Variants in SFXN5 observed in about 807,000 individuals in gnomAD.
SFXN5 encodes the protein sideroflexin 5.
In SFXN5, 43 loss-of-function variants were observed where a neutral mutation model predicts 50.2. That is an observed-to-expected ratio of 0.86 (90% CI 0.67 to 1.11). SFXN5 has a LOEUF of 1.11. Ranked by LOEUF, SFXN5 falls within the 50% of genes least tolerant of loss-of-function variation. The probability of loss-of-function intolerance (pLI) is 0.00; values close to 1 mark genes in which losing one functional copy is unlikely to be tolerated. For synonymous variants in SFXN5, 203 were observed against 185.8 expected, an observed-to-expected ratio of 1.09 and a Z score of -0.75; for missense variants, 463 against 454.1, an observed-to-expected ratio of 1.02 and a Z score of -0.18.
chr2:73,060,193 G>C (rs1229773870), intron 1 of SFXN5, among the ~76,000 whole-genome samples: 1 of 152,060 alleles, frequency 6.6e-6, no homozygotes, highest in African/African-American at 2.4e-5. Flanking sequence ...GGGGTAGGGA[G>C]GGTACAAGAT....
In SFXN5 at chr2:72,973,021, T is replaced by C. The variant is rs1670212205; in HGVS notation, c.626-1336A>G. 6.6e-6 allele frequency among the ~76,000 whole-genome samples: 1 copy of C among 151,976 alleles called. No individual in the cohort carries two copies. The highest frequency in any genetic ancestry group is 2.1e-4 in the South Asian group (1 of 4,812). On this transcript the variant is annotated intron_variant, in intron 10 of 13. Transcript: ENST00000272433. The surrounding 1 kb of genome is among the most constrained non-coding windows in gnomAD (Gnocchi z 5.5). ...TCCTGGGGCCTGAGCCAACGAGTGGTCCAGGGTGCTCACAGCTGGGGCACA... is the reference window on the plus strand; with the variant it reads ...TCCTGGGGCCTGAGCCAACGAGTGGCCCAGGGTGCTCACAGCTGGGGCACA...
rs1682244677 is a variant in SFXN5 at position 73,057,121 on chromosome 2, T to C, written c.171+1407A>G. ...AGGGATTAACTACTAATACATGCAA[T>C]GACACAAATGAATCCCAAAAGCATT... On this transcript the variant is annotated intron_variant, in intron 2 of 13. Transcript: ENST00000272433. Among the ~76,000 whole-genome samples, 2 of 152,150 alleles carry C rather than the reference T, an allele frequency of 1.3e-5. 1 individual carries two copies. The highest frequency in any genetic ancestry group is 2.9e-5 in the Non-Finnish European group (2 of 68,016).
rs578106348 is a variant in SFXN5 at position 72,944,697 on chromosome 2, T to C, written c.*325A>G. 8.7e-5 allele frequency: 23 copies of C among 265,150 alleles called. No homozygotes were observed. In the South Asian group the frequency reaches 2.5e-3, roughly 28 times the overall value. 16.4% of individuals were successfully genotyped at this position (265,150 alleles called of 1,614,324 possible). ...TAAAAATAAAAAAGGAACCAAAGTA[T>C]AAAAGGATTCTACTTCTACCCCATG... On this transcript the variant is annotated 3_prime_UTR_variant, in exon 14 of 14. Coordinates refer to ENST00000272433, the MANE Select transcript of SFXN5 (RefSeq NM_144579.3).
intron 2 of SFXN5, among the ~76,000 whole-genome samples, chr2:73,046,792 A>G (rs1680395544): frequency 6.6e-6 from 1 of 152,210 alleles, no homozygotes; most frequent in Non-Finnish European, 1.5e-5. Flanking sequence ...TTTTAAATTT[A>G]AAAATTCCAT....
At chr2:72,968,885 C>A in intron 11 of SFXN5, among the ~76,000 whole-genome samples, 1 of 151,940 alleles carries the variant, frequency 6.6e-6, no homozygotes, top group East Asian at 1.9e-4. Context: ...TCACTTCAAC[C>A]TCTGCCTCCC....
intron 2 of SFXN5, 138 bp from the exon 3 acceptor site, chr2:73,041,069 A>G (rs1447891573): frequency 1.7e-6 from 1 of 573,548 alleles, no homozygotes; most frequent in Non-Finnish European, 3.0e-6. Context: ...GACACACACA[A>G]AATCATATAG....
At chr2:72,948,510 A>C (rs1331313312) in intron 13 of SFXN5, among the ~76,000 whole-genome samples, 1 of 152,250 alleles carries the variant, frequency 6.6e-6, no homozygotes, top group African/African-American at 2.4e-5. Flanking sequence ...TGCCATTATT[A>C]GCAACTTCCC....
At chr2:73,004,298 G>C (rs1674303864) in intron 6 of SFXN5, among the ~76,000 whole-genome samples, 1 of 145,458 alleles carries the variant, frequency 6.9e-6, no homozygotes, top group Middle Eastern at 3.4e-3. Flanking sequence ...AGCCAGAGGA[G>C]AGGAATGAGT....
At chr2:73,057,353 G>GTC (rs1295702625) in intron 2 of SFXN5, among the ~76,000 whole-genome samples, 3 of 152,078 alleles carry the variant, frequency 2.0e-5, no homozygotes, top group Admixed American at 6.6e-5. Flanking sequence ...GCCCAGGCAG[G>GTC]TCTCACTATG....
chr2:73,070,351 C>T (rs1440323387), intron 1 of SFXN5: 1 of 152,144 alleles, frequency 6.6e-6, no homozygotes, highest in Non-Finnish European at 1.5e-5. Context: ...TCAGACGGCT[C>T]AGGAGCCAAG....
chr2:73,030,359 G>A (rs1489005379), intron 3 of SFXN5, among the ~76,000 whole-genome samples: 1 of 151,950 alleles, frequency 6.6e-6, no homozygotes, highest in East Asian at 1.9e-4. Flanking sequence ...AAATATATAT[G>A]TATATATATA....
At chr2:73,010,884 A>C (rs919138116) in intron 6 of SFXN5, among the ~76,000 whole-genome samples, 3 of 152,234 alleles carry the variant, frequency 2.0e-5, no homozygotes, top group African/African-American at 7.2e-5. Flanking sequence ...CATGTTTTAG[A>C]TATATTCAGA....
intron 9 of SFXN5, chr2:72,997,337 T>C (rs960329442): frequency 1.3e-5 from 2 of 152,232 alleles, no homozygotes; most frequent in Non-Finnish European, 2.9e-5. Context: ...ACAGTTATTA[T>C]ACAGTATTTA....
At chr2:72,977,169 G>A (rs530990600) in intron 10 of SFXN5, among the ~76,000 whole-genome samples, 4 of 152,222 alleles carry the variant, frequency 2.6e-5, no homozygotes, top group South Asian at 4.1e-4. Flanking sequence ...AGCTGCTGCC[G>A]CCATCTTCCA....
intron 2 of SFXN5, among the ~76,000 whole-genome samples, chr2:73,050,494 G>A (rs1236013027): frequency 6.6e-6 from 1 of 152,100 alleles, no homozygotes; most frequent in Non-Finnish European, 1.5e-5. Flanking sequence ...GGCCCAAGCT[G>A]CACCTGGGTC....
chr2:73,055,638 C>A (rs553659955), intron 2 of SFXN5, among the ~76,000 whole-genome samples: 1 of 146,546 alleles, frequency 6.8e-6, no homozygotes, highest in South Asian at 2.2e-4. Flanking sequence ...CACTCTGTTG[C>A]CCAGGCTGGA....
chr2:72,966,720 C>T (rs545171323), intron 12 of SFXN5, among the ~76,000 whole-genome samples: 17 of 152,264 alleles, frequency 1.1e-4, no homozygotes, highest in Admixed American at 2.0e-4. Context: ...CCAGAAAGCC[C>T]GCCTTTCCAC....
chr2:73,040,894 T>C lies in SFXN5; in HGVS notation c.209A>G (p.Tyr70Cys). The change falls in exon 3 of 14, where the codon TAT (tyrosine) becomes TGT (cysteine). Residue 70 changes from tyrosine to cysteine, a missense_variant. Tyr to Cys is a radical substitution (Grantham distance 194). Transcript: ENST00000272433. ...CCCCGGGCGCAGGGTCCCATGCTTA[T>C]AGTCCTCCAGCAGCTGCACAGCCTC... ...LREAVQLLEDYKHGTLRPGVT... is the reference protein window; with the variant it reads ...LREAVQLLEDCKHGTLRPGVT... 2.5e-6 allele frequency: 4 copies of C among 1,613,328 alleles called. No homozygotes were observed. The highest frequency in any genetic ancestry group is 3.4e-6 in the Non-Finnish European group (4 of 1,179,794).
At chr2:72,997,329 A>T (rs999070008) in intron 9 of SFXN5, 1 of 152,248 alleles carries the variant, frequency 6.6e-6, no homozygotes, top group African/African-American at 2.4e-5. Context: ...AGCCGTGAAC[A>T]GTTATTATAC....
Sources: allele counts gnomAD v4.1 joint callset (sites outside exome capture counted in the v4.1 genomes callset), GRCh38; gene constraint gnomAD v4.1.1; non-coding constraint Gnocchi (gnomAD v3.1); transcripts MANE v1.5; gene names NCBI Gene and HGNC (gene_info 2026-07-23, HGNC 2026-07-21).